The following PBRM1 variants were observed in gnomAD, a reference collection of about 807,000 sequenced individuals.
The protein encoded by PBRM1 is protein polybromo-1.
Under a neutral mutation model 194.5 loss-of-function variants are expected in PBRM1, and 27 were observed. The ratio of observed to expected loss-of-function variants is 0.14; its 90% CI spans 0.10 to 0.19. The LOEUF (loss-of-function observed/expected upper bound fraction) is 0.19. Among genes scored for constraint, PBRM1 ranks in the 10% least tolerant of loss-of-function variants. The pLI is 1.00. For synonymous variants in PBRM1, 655 were observed against 693.2 expected (o/e 0.94, Z 0.87); for missense variants, 1,466 against 2,077.2 (o/e 0.71, Z 5.72).
At chr3:52,654,988 C>T (rs1008309711) in intron 5 of PBRM1, among the ~76,000 whole-genome samples, 5 of 152,104 alleles carry the variant, frequency 3.3e-5, no homozygotes, top group African/African-American at 9.7e-5. Flanking sequence ...GACAGAGTCT[C>T]AGCTATGTTG....
intron 10 of PBRM1, among the ~76,000 whole-genome samples, chr3:52,636,526 G>A (rs2095818260): frequency 6.6e-6 from 1 of 151,392 alleles, no homozygotes; most frequent in South Asian, 2.1e-4. Context: ...GGGAGGCCAA[G>A]GCGGGCAAAT....
chr3:52,589,818 CTTTTAT>C (rs1370749963), intron 17 of PBRM1, among the ~76,000 whole-genome samples: 2 of 151,872 alleles, frequency 1.3e-5, no homozygotes, highest in African/African-American at 2.4e-5. Flanking sequence ...TTCAAAATGA[CTTTTAT>C]TTTTATTTAT....
At position 52,609,609 on chromosome 3, in the gene PBRM1, A is replaced by T; in HGVS notation, c.2271T>A (p.Leu757=). ...CTCCCTCCAGGTCTCTGCGTGTTTC[A>T]AGCAGGACTTTGTGTAGAACAAGAG... is the stretch of plus-strand genomic sequence containing the variant. The change falls in exon 16 of 30, where the codon CTT becomes CTA. Residue 757 remains leucine, a synonymous_variant. Coordinates refer to ENST00000296302, the Ensembl canonical transcript of PBRM1. The surrounding 1 kb of genome is among the most constrained non-coding windows in gnomAD (Gnocchi z 4.1). 4 of 1,613,294 alleles carry T rather than the reference A, an allele frequency of 2.5e-6. No individual in the cohort carries two copies. The highest frequency in any genetic ancestry group is 3.4e-6 in the Non-Finnish European group (4 of 1,179,662).
chr3:52,576,455 A>C, intron 22 of PBRM1, 86 bp downstream of exon 24: 1 of 1,036,420 alleles, frequency 9.6e-7, no homozygotes, highest in Non-Finnish European at 1.4e-6. Flanking sequence ...TCTATACCTA[A>C]CACCTAGAAC....
chr3:52,647,397 C>T (rs1239699310), intron 7 of PBRM1, among the ~76,000 whole-genome samples: 3 of 131,722 alleles, frequency 2.3e-5, no homozygotes, highest in African/African-American at 8.9e-5. Flanking sequence ...ACACATGGCC[C>T]CGCAATTCCA....
intron 16 of PBRM1, among the ~76,000 whole-genome samples, chr3:52,606,528 GAA>G: frequency 6.6e-6 from 1 of 152,114 alleles, no homozygotes. Flanking sequence ...GTTTAGAAAT[GAA>G]CATTCTGTAC....
intron 17 of PBRM1, among the ~76,000 whole-genome samples, chr3:52,594,979 AT>A (rs138094902): frequency 0.033 from 5,048 of 151,882 alleles, 279 homozygotes; most frequent in African/African-American, 0.11. Context: ...GTGACCTGTC[AT>A]TTTTTTCTTT....
intron 19 of PBRM1, among the ~76,000 whole-genome samples, chr3:52,586,941 C>CT (rs1336374379): frequency 2.0e-5 from 3 of 152,176 alleles, no homozygotes; most frequent in African/African-American, 7.2e-5. Flanking sequence ...CTTACAATTG[C>CT]TCTTTGAAAA....
At chr3:52,604,899 A>G (rs1232460712) in intron 16 of PBRM1, among the ~76,000 whole-genome samples, 1 of 151,956 alleles carries the variant, frequency 6.6e-6, no homozygotes, top group African/African-American at 2.4e-5. Context: ...GGTTGCAGTG[A>G]GCCAAGATCG....
chr3:52,585,442 G>A (rs992373048), intron 20 of PBRM1: 116 of 152,220 alleles, frequency 7.6e-4, no homozygotes, highest in African/African-American at 2.6e-3. Context: ...TTGGTAATTT[G>A]TAATATCCTA....
chr3:52,668,599 T>C, exon 3 of PBRM1: 1 of 1,605,850 alleles, frequency 6.2e-7, no homozygotes. Context: ...TGGATTTTCA[T>C]CAAGTCAATG....
chr3:52,568,048 G>A (rs2085909845), intron 22 of PBRM1, among the ~76,000 whole-genome samples: 1 of 151,846 alleles, frequency 6.6e-6, no homozygotes, highest in East Asian at 1.9e-4. Context: ...GTGCGATTCT[G>A]GCTCACTGCA....
intron 16 of PBRM1, 58 bp from the exon 19 acceptor site, chr3:52,603,790 A>G: frequency 7.0e-7 from 1 of 1,419,144 alleles, no homozygotes; most frequent in African/African-American, 1.4e-5. Flanking sequence ...AAACACCTCA[A>G]TTATATGTTA....
At chr3:52,601,586 G>C (rs540746964) in intron 17 of PBRM1, among the ~76,000 whole-genome samples, 27 of 152,092 alleles carry the variant, frequency 1.8e-4, no homozygotes, top group South Asian at 4.2e-4. Flanking sequence ...TAAGTAATGT[G>C]GGGGGTGGGG....
At chr3:52,659,191 C>A (rs2153877241) in intron 4 of PBRM1, among the ~76,000 whole-genome samples, 1 of 152,312 alleles carries the variant, frequency 6.6e-6, no homozygotes, top group South Asian at 2.1e-4. Context: ...ACTGTTTCAA[C>A]ATAGGAAGTA....
chr3:52,674,293 C>T (rs1229861503), intron 2 of PBRM1, among the ~76,000 whole-genome samples: 1 of 149,660 alleles, frequency 6.7e-6, no homozygotes, highest in African/African-American at 2.5e-5. Flanking sequence ...ACCAGCCTGA[C>T]CAACATAGAG....
At chr3:52,629,866 G>A (rs7622694) in intron 11 of PBRM1, among the ~76,000 whole-genome samples, 69,232 of 152,000 alleles carry the variant, frequency 0.46, 16,115 homozygotes, top group African/African-American at 0.52. Context: ...CACAGAATAA[G>A]TGAATTTTCT....
At chr3:52,559,990 C>A (rs1231439410) in intron 25 of PBRM1, among the ~76,000 whole-genome samples, 1 of 151,462 alleles carries the variant, frequency 6.6e-6, no homozygotes, top group Non-Finnish European at 1.5e-5. Context: ...GGACTGGCTA[C>A]CCAAACTCTA....
exon 3 of PBRM1, chr3:52,668,643 T>C (rs1195663483): frequency 5.2e-6 from 8 of 1,549,194 alleles, no homozygotes; most frequent in Non-Finnish European, 6.9e-6. Flanking sequence ...GTCTGGTTGA[T>C]TTCTGTTATA....
Sources: allele counts gnomAD v4.1 joint callset (sites outside exome capture counted in the v4.1 genomes callset), GRCh38; gene constraint gnomAD v4.1.1; non-coding constraint Gnocchi (gnomAD v3.1); transcripts MANE v1.5; gene names NCBI Gene and HGNC (gene_info 2026-07-23, HGNC 2026-07-21).